Variants in DOCK2 observed in about 807,000 individuals in gnomAD.
DOCK2 encodes dedicator of cytokinesis 2, also known as dedicator of cytokinesis protein 2.
DOCK2 carries 87 observed loss-of-function variants against 248.9 expected under a neutral mutation model. The ratio of observed to expected loss-of-function variants is 0.35; its 90% CI spans 0.29 to 0.42. DOCK2 has a LOEUF of 0.42. DOCK2 is among the 10% of genes least tolerant of loss of function. The pLI, the probability that DOCK2 is intolerant of heterozygous loss-of-function variation, is 1.00. For missense variants in DOCK2, 1,747 were observed against 2,300.2 expected, an observed-to-expected ratio of 0.76 and a Z score of 4.92; for synonymous variants, 805 against 821.6, an observed-to-expected ratio of 0.98 and a Z score of 0.35.
At chr5:169,978,814 C>T (rs1185308945) in intron 27 of DOCK2, among the ~76,000 whole-genome samples, 1 of 152,156 alleles carries the variant, frequency 6.6e-6, no homozygotes, top group Admixed American at 6.5e-5. Flanking sequence ...CAGCCAAGTG[C>T]CTGCGATGAT....
At chr5:169,716,933 A>C (rs1403747144) in intron 20 of DOCK2, among the ~76,000 whole-genome samples, 1 of 152,220 alleles carries the variant, frequency 6.6e-6, no homozygotes, top group East Asian at 1.9e-4. Context: ...TAAAGAGGTT[A>C]CTGAGAGACA....
At chr5:169,877,223 G>A (rs921097165) in intron 27 of DOCK2, among the ~76,000 whole-genome samples, 5 of 152,228 alleles carry the variant, frequency 3.3e-5, no homozygotes, top group African/African-American at 7.2e-5. Context: ...CTGGAGAGGA[G>A]CCACAGACTA....
intron 22 of DOCK2, among the ~76,000 whole-genome samples, chr5:169,737,251 T>A (rs1326339314): frequency 6.6e-6 from 1 of 152,046 alleles, no homozygotes; most frequent in Non-Finnish European, 1.5e-5. Flanking sequence ...AGGAGGGAGT[T>A]TGACCCAAAG....
chr5:169,887,951 G>A (rs1362304727), intron 27 of DOCK2, among the ~76,000 whole-genome samples: 2 of 152,102 alleles, frequency 1.3e-5, no homozygotes, highest in Non-Finnish European at 2.9e-5. Flanking sequence ...AAAAGAAATT[G>A]TATCTCATTA....
chr5:169,730,110 C>A (rs1331638859), intron 22 of DOCK2, among the ~76,000 whole-genome samples: 3 of 152,112 alleles, frequency 2.0e-5, no homozygotes, highest in Non-Finnish European at 2.9e-5. Flanking sequence ...GCATGCACCA[C>A]CACACCCAGC....
intron 27 of DOCK2, among the ~76,000 whole-genome samples, chr5:169,968,855 C>T (rs944399466): frequency 1.5e-4 from 23 of 152,054 alleles, no homozygotes; most frequent in African/African-American, 2.9e-4. Context: ...GAAGGCTTCC[C>T]GGGAGAAGAA....
chr5:169,648,180 T>C (rs1258085188), intron 1 of DOCK2, among the ~76,000 whole-genome samples: 1 of 152,102 alleles, frequency 6.6e-6, no homozygotes, highest in Non-Finnish European at 1.5e-5. Context: ...CTATTGACAT[T>C]GTGGGCCAGG....
intron 27 of DOCK2, among the ~76,000 whole-genome samples, chr5:169,893,285 G>A (rs368960005): frequency 2.1e-4 from 32 of 152,282 alleles, no homozygotes; most frequent in African/African-American, 7.5e-4. Context: ...CCTCCAGCTT[G>A]CTTTCTCCAG....
intron 25 of DOCK2, 25 bp from the exon 26 acceptor site, chr5:169,803,033 C>T (rs1303678330): frequency 3.1e-6 from 5 of 1,608,086 alleles, no homozygotes; most frequent in Non-Finnish European, 4.2e-6. Context: ...GAATTCTACA[C>T]TACTCTGAAC....
At chr5:169,804,307 C>T (rs1404968312) in intron 26 of DOCK2, among the ~76,000 whole-genome samples, 2 of 152,172 alleles carry the variant, frequency 1.3e-5, no homozygotes, top group South Asian at 4.1e-4. Flanking sequence ...TAGCTTGCTT[C>T]ATTCATTCAT....
intron 27 of DOCK2, among the ~76,000 whole-genome samples, chr5:169,945,087 C>A (rs1051724517): frequency 1.3e-5 from 2 of 152,224 alleles, no homozygotes; most frequent in Admixed American, 6.5e-5. Context: ...CCTCAATTCT[C>A]AGATTAGGGA....
intron 1 of DOCK2, among the ~76,000 whole-genome samples, chr5:169,644,288 A>C (rs1561900572): frequency 6.6e-6 from 1 of 152,118 alleles, no homozygotes; most frequent in South Asian, 2.1e-4. Flanking sequence ...GGGGGAATTA[A>C]ATGTGGAAGG....
rs1490522823 is a variant in DOCK2, at chr5:169,712,363, C to T, written c.1659+140C>T. 4.6e-6 allele frequency: 3 copies of T among 645,298 alleles called. No individual in the cohort carries two copies. In the African/African-American group the frequency reaches 5.5e-5, roughly 12 times the overall value. The allele number at this position is 645,298 out of a possible 1,614,324, so 40.0% of individuals were successfully genotyped here. A position where few individuals can be genotyped will look rare whatever the true frequency, so the allele number is the denominator to read the frequency against. On this transcript the variant is annotated intron_variant, in intron 17 of 51. Transcript: ENST00000520908. ...TACCAACTTTGTGGCCTCTTATAAA[C>T]TCTTGACTTCTCTGGGCCTCTGTTT...
At chr5:170,048,288 G>T (rs1158661788) in intron 40 of DOCK2, among the ~76,000 whole-genome samples, 1 of 151,982 alleles carries the variant, frequency 6.6e-6, no homozygotes, top group Non-Finnish European at 1.5e-5. Context: ...GCTATTTGGG[G>T]CCTGAGACAG....
chr5:169,851,475 T>C (rs755445841), intron 27 of DOCK2, among the ~76,000 whole-genome samples: 20 of 152,296 alleles, frequency 1.3e-4, no homozygotes, highest in Non-Finnish European at 2.6e-4. Context: ...CTCCCTGCTG[T>C]GTCCAATGGA....
intron 22 of DOCK2, among the ~76,000 whole-genome samples, chr5:169,725,226 T>C (rs1762408848): frequency 6.6e-6 from 1 of 152,246 alleles, no homozygotes; most frequent in Non-Finnish European, 1.5e-5. Flanking sequence ...CTTAGTAAAC[T>C]GAACAATTGC....
chr5:170,027,258 G>A (rs375969013), intron 33 of DOCK2, among the ~76,000 whole-genome samples: 26 of 152,110 alleles, frequency 1.7e-4, no homozygotes, highest in East Asian at 9.7e-4. Context: ...TGAAATATTC[G>A]GATTAGGAGC....
intron 30 of DOCK2, among the ~76,000 whole-genome samples, chr5:170,003,722 A>T (rs755879640): frequency 6.6e-6 from 1 of 152,234 alleles, no homozygotes; most frequent in South Asian, 2.1e-4. Flanking sequence ...TGGAAATTGT[A>T]TGAGACTTTA....
At chr5:169,679,700 C>T (rs942516643) in intron 6 of DOCK2, among the ~76,000 whole-genome samples, 1 of 152,206 alleles carries the variant, frequency 6.6e-6, no homozygotes, top group African/African-American at 2.4e-5. Context: ...TCCCCCTTAG[C>T]ATTGCCGTTG....
Sources: gnomAD v4.1 joint callset for allele counts (sites outside exome capture counted in the v4.1 genomes callset) on GRCh38, gnomAD v4.1.1 for gene constraint, MANE v1.5 for transcripts, NCBI Gene and HGNC (gene_info 2026-07-23, HGNC 2026-07-21) for gene names.